Variants in UNC13C observed in about 807,000 individuals in gnomAD.
The protein encoded by UNC13C is protein unc-13 homolog C.
UNC13C carries 174 observed loss-of-function variants against 245.4 expected under a neutral mutation model. That is an observed-to-expected ratio of 0.71 (90% CI 0.63 to 0.80). The LOEUF (loss-of-function observed/expected upper bound fraction) is 0.80. Among genes scored for constraint, UNC13C ranks in the 30% least tolerant of loss-of-function variants. The pLI is 0.00. For missense variants in UNC13C, 2,829 were observed against 2,602.9 expected (o/e 1.09, Z -1.89); for synonymous variants, 992 against 895.1 (o/e 1.11, Z -1.93).
chr15:54,582,810 C>G (rs1194064165), intron 30 of UNC13C, among the ~76,000 whole-genome samples: 1 of 152,060 alleles, frequency 6.6e-6, no homozygotes, highest in Non-Finnish European at 1.5e-5. Context: ...TTTTCAGTAC[C>G]AGCTGAAACA....
intron 4 of UNC13C, among the ~76,000 whole-genome samples, chr15:54,206,792 C>G (rs2034726891): frequency 6.6e-6 from 1 of 152,070 alleles, no homozygotes; most frequent in Non-Finnish European, 1.5e-5. Context: ...TGTGGTCAAG[C>G]AATCTTAGTC....
intron 2 of UNC13C, among the ~76,000 whole-genome samples, chr15:54,032,785 C>T (rs113414942): frequency 0.027 from 4,113 of 152,156 alleles, 193 homozygotes; most frequent in African/African-American, 0.092. Context: ...AATAACAGTA[C>T]GCTGATATTA....
chr15:54,123,792 C>T (rs2030844432), intron 2 of UNC13C, among the ~76,000 whole-genome samples: 1 of 152,106 alleles, frequency 6.6e-6, no homozygotes, highest in Non-Finnish European at 1.5e-5. Context: ...AAACTATAGA[C>T]ATGTTCCTTC....
chr15:54,301,732 A>T (rs2037588334), intron 13 of UNC13C, among the ~76,000 whole-genome samples: 1 of 152,126 alleles, frequency 6.6e-6, no homozygotes, highest in South Asian at 2.1e-4. Context: ...TATTATGAAC[A>T]GTGCTGTGAT....
intron 13 of UNC13C, chr15:54,321,555 C>G: frequency 2.3e-6 from 1 of 427,936 alleles, no homozygotes; most frequent in Admixed American, 2.8e-5. Context: ...ACCACATAGC[C>G]TGTGAGTGTT....
intron 7 of UNC13C, 83 bp from the exon 8 acceptor site, chr15:54,250,142 G>A: frequency 7.6e-7 from 1 of 1,310,828 alleles, no homozygotes; most frequent in African/African-American, 1.4e-5. Flanking sequence ...TCAGAGAAAA[G>A]TGATAAAATG....
intron 4 of UNC13C, among the ~76,000 whole-genome samples, chr15:54,219,633 A>C (rs1471710189): frequency 6.6e-6 from 1 of 150,994 alleles, no homozygotes; most frequent in African/African-American, 2.5e-5. Flanking sequence ...TCTGCACAGC[A>C]AAAGAAACTA....
intron 4 of UNC13C, among the ~76,000 whole-genome samples, chr15:54,172,731 T>TATAA: frequency 1.5e-5 from 1 of 67,828 alleles, no homozygotes; most frequent in African/African-American, 6.4e-5. Flanking sequence ...TATATATATA[T>TATAA]ATATATATAT....
At position 54,015,524 on chromosome 15, in the gene UNC13C, A is replaced by G. The variant is rs377017274; in HGVS notation, c.2621A>G (p.Asn874Ser). 148 of 1,613,292 alleles carry G rather than the reference A, an allele frequency of 9.2e-5. No individual in the cohort carries two copies. The African/African-American group carries it at 1.7e-3, about 18-fold the overall frequency. Residue 874 changes from asparagine to serine, a missense_variant, in exon 2 of 33, where the codon AAT becomes AGT. Physicochemically the swap from Asn to Ser is conservative, Grantham distance 46. Transcript: ENST00000260323. Reference sequence around the variant, plus strand: ...GATTATACTGAACCAGTGGCTGACAATGAAACAGATTATGTTGAAGTCATG... The same window carrying G: ...GATTATACTGAACCAGTGGCTGACAGTGAAACAGATTATGTTGAAGTCATG... ...EEDYTEPVAD[N>S]ETDYVEVMEQ...
intron 7 of UNC13C, among the ~76,000 whole-genome samples, chr15:54,248,151 G>T (rs2036045892): frequency 6.6e-6 from 1 of 151,962 alleles, no homozygotes; most frequent in Admixed American, 6.6e-5. Context: ...CCTTTCATTA[G>T]CAGATTCTGT....
chr15:54,059,915 T>A (rs773576290), intron 2 of UNC13C, among the ~76,000 whole-genome samples: 1 of 152,192 alleles, frequency 6.6e-6, no homozygotes, highest in Non-Finnish European at 1.5e-5. Context: ...GCTAGCCATA[T>A]GGAGAAAGCT....
At chr15:54,112,505 T>C (rs1400935251) in intron 2 of UNC13C, among the ~76,000 whole-genome samples, 1 of 152,206 alleles carries the variant, frequency 6.6e-6, no homozygotes, top group Non-Finnish European at 1.5e-5. Flanking sequence ...GCCAGCGCCA[T>C]GTTGTCTGCT....
rs750323245 is a variant in UNC13C at position 54,014,011 on chromosome 15, C to G, written c.1108C>G (p.Pro370Ala). 32 of 1,613,564 alleles carry G rather than the reference C, an allele frequency of 2.0e-5. No individual in the cohort carries two copies. The East Asian group carries it at 3.8e-4, about 19-fold the overall frequency. Residue 370 changes from proline (P) to alanine (A), a missense_variant, in exon 2 of 33, where the codon CCA (proline) becomes GCA (alanine). By Grantham distance (27) the Pro-to-Ala change is conservative. Coordinates refer to ENST00000260323, the MANE Select transcript of UNC13C (RefSeq NM_001080534.3). ...GAGGATAGGACACCAGAGAGACTGCCCAAATGCAAAGCCTCGACCCATACT... is the reference window on the plus strand; with the variant it reads ...GAGGATAGGACACCAGAGAGACTGCGCAAATGCAAAGCCTCGACCCATACT... Reference protein sequence around the residue: ...AQRIGHQRDCPNAKPRPILVY... With the variant: ...AQRIGHQRDCANAKPRPILVY...
chr15:54,485,765 T>C (rs190632195), intron 19 of UNC13C, among the ~76,000 whole-genome samples: 62 of 152,294 alleles, frequency 4.1e-4, no homozygotes, highest in African/African-American at 1.4e-3. Flanking sequence ...TGCATCTCTT[T>C]GAGCTTGTCA....
At chr15:53,997,515 C>T (rs1894690081) in intron 1 of UNC13C, among the ~76,000 whole-genome samples, 1 of 152,084 alleles carries the variant, frequency 6.6e-6, no homozygotes, top group Non-Finnish European at 1.5e-5. Flanking sequence ...ATGTTATACT[C>T]ACAGCATTAC....
At chr15:54,450,154 G>A (rs1891088121) in intron 19 of UNC13C, among the ~76,000 whole-genome samples, 2 of 152,134 alleles carry the variant, frequency 1.3e-5, no homozygotes, top group African/African-American at 4.8e-5. Context: ...GGGCTACCCA[G>A]CCACGATGAG....
intron 26 of UNC13C, among the ~76,000 whole-genome samples, chr15:54,543,309 G>A (rs1896332191): frequency 6.6e-6 from 1 of 152,064 alleles, no homozygotes; most frequent in Non-Finnish European, 1.5e-5. Flanking sequence ...TGTTGAGAGG[G>A]AAATTTATAG....
At chr15:54,458,211 G>T (rs1417328155) in intron 19 of UNC13C, among the ~76,000 whole-genome samples, 1 of 151,936 alleles carries the variant, frequency 6.6e-6, no homozygotes, top group African/African-American at 2.4e-5. Flanking sequence ...TCCCTTTGGA[G>T]TTAATTTCCA....
At position 54,622,340 on chromosome 15, in the gene UNC13C, A is replaced by C. The variant is rs1247409003; in HGVS notation, c.6120A>C (p.Lys2040Asn). 3.1e-6 allele frequency: 5 copies of C among 1,613,114 alleles called. No homozygotes were observed. Among genetic ancestry groups the C allele is most frequent in the Non-Finnish European group, 3.4e-6 (4 of 1,179,386 alleles). Residue 2040 changes from lysine (K) to asparagine (N), a missense_variant, in exon 31 of 33, where the codon AAA becomes AAC. Coordinates refer to ENST00000260323, the MANE Select transcript of UNC13C (RefSeq NM_001080534.3). The part of the protein sequence containing the change: ...DTQTSQSRSS[K>N]DAVGQISVHV... ...GCTTATTTTCAGGTCGTTCCTCCAA[A>C]GATGCCGTGGGTCAGATATCTGTTC...
Sources: allele counts gnomAD v4.1 joint callset (sites outside exome capture counted in the v4.1 genomes callset), GRCh38; gene constraint gnomAD v4.1.1; transcripts MANE v1.5; gene names NCBI Gene and HGNC (gene_info 2026-07-23, HGNC 2026-07-21).